Variants in MND1 observed in about 807,000 individuals in gnomAD.
MND1 encodes meiotic nuclear division protein 1 homolog.
Under a neutral mutation model 35.1 loss-of-function variants are expected in MND1, and 28 were observed. The observed-to-expected ratio is 0.80, with a 90% CI of 0.59 to 1.09. The LOEUF (loss-of-function observed/expected upper bound fraction) is 1.09. MND1 is among the 50% of genes least tolerant of loss of function. The pLI is 0.00. For missense variants in MND1, 213 were observed against 239.6 expected (o/e 0.89, Z 0.73); for synonymous variants, 69 against 70.5 (o/e 0.98, Z 0.11).
chr4:153,350,020 AT>A (rs770510423), intron 1 of MND1, 43 bp from the exon 2 acceptor site: 33 of 1,353,516 alleles, frequency 2.4e-5, no homozygotes, highest in Non-Finnish European at 3.4e-5. Flanking sequence ...TGTTTTCAAA[AT>A]GTGTTTAAAA....
chr4:153,367,903 G>A (rs1471645201), intron 4 of MND1, among the ~76,000 whole-genome samples: 1 of 152,084 alleles, frequency 6.6e-6, no homozygotes, highest in East Asian at 1.9e-4. Context: ...ATCTCATTGT[G>A]GTTTTGGCTT....
intron 4 of MND1, among the ~76,000 whole-genome samples, chr4:153,369,926 C>T (rs1235384415): frequency 6.6e-6 from 1 of 152,036 alleles, no homozygotes; most frequent in African/African-American, 2.4e-5. Context: ...ACAATGTTCA[C>T]AGCGTCTGCA....
At chr4:153,364,637 C>T (rs766176964) in intron 4 of MND1, among the ~76,000 whole-genome samples, 2 of 152,030 alleles carry the variant, frequency 1.3e-5, no homozygotes, top group Non-Finnish European at 2.9e-5. Flanking sequence ...AGAAGCAACC[C>T]AAATGACTTT....
At chr4:153,377,746 G>T (rs1728551034) in intron 4 of MND1, among the ~76,000 whole-genome samples, 1 of 152,224 alleles carries the variant, frequency 6.6e-6, no homozygotes, top group Admixed American at 6.5e-5. Context: ...CTATAGCGCA[G>T]TGATTTAAGG....
chr4:153,351,262 G>C (rs537149436), intron 2 of MND1, among the ~76,000 whole-genome samples: 1 of 152,108 alleles, frequency 6.6e-6, no homozygotes, highest in African/African-American at 2.4e-5. Context: ...AAAATTGGCT[G>C]TTTCTAACTG....
upstream of MND1, chr4:153,344,663 T>C: frequency 7.2e-7 from 1 of 1,383,968 alleles, no homozygotes; most frequent in Non-Finnish European, 9.8e-7. Context: ...GGCGCCAAAA[T>C]CAAACGCGTC....
At chr4:153,374,715 A>AT (rs2149642320) in intron 4 of MND1, among the ~76,000 whole-genome samples, 1 of 152,092 alleles carries the variant, frequency 6.6e-6, no homozygotes, top group Admixed American at 6.5e-5. Flanking sequence ...GAGAACAGAC[A>AT]TTCTTATAAG....
chr4:153,345,591 CT>C (rs1182280676), intron 1 of MND1: 1 of 941,872 alleles, frequency 1.1e-6, no homozygotes. Flanking sequence ...GTTTTTTCTG[CT>C]TCAGTTGGCG....
intron 6 of MND1, among the ~76,000 whole-genome samples, chr4:153,405,667 A>C (rs114942776): frequency 0.01 from 1,591 of 152,330 alleles, 23 homozygotes; most frequent in African/African-American, 0.034. Flanking sequence ...TTTTTAGCTC[A>C]TGGTATTGGG....
intron 2 of MND1, among the ~76,000 whole-genome samples, chr4:153,351,556 C>T (rs1363341550): frequency 6.6e-6 from 1 of 152,050 alleles, no homozygotes; most frequent in Non-Finnish European, 1.5e-5. Flanking sequence ...ATGGTATATC[C>T]GGGATCCAGA....
chr4:153,350,682 C>T (rs1773191725), intron 2 of MND1, among the ~76,000 whole-genome samples: 1 of 152,188 alleles, frequency 6.6e-6, no homozygotes, highest in African/African-American at 2.4e-5. Flanking sequence ...AGCCAGAGTT[C>T]AAACCCAGGT....
intron 4 of MND1, among the ~76,000 whole-genome samples, chr4:153,376,113 T>G (rs1330348499): frequency 1.3e-5 from 2 of 152,164 alleles, no homozygotes; most frequent in Non-Finnish European, 2.9e-5. Context: ...ATTAATTATG[T>G]TGTAGAAACT....
intron 6 of MND1, among the ~76,000 whole-genome samples, chr4:153,403,705 A>G (rs1231336753): frequency 6.6e-6 from 1 of 151,842 alleles, no homozygotes; most frequent in Non-Finnish European, 1.5e-5. Flanking sequence ...GGTTCAAGTG[A>G]TTCTCGTGCC....
intron 4 of MND1, among the ~76,000 whole-genome samples, chr4:153,391,641 C>T (rs1354463444): frequency 6.6e-6 from 1 of 151,472 alleles, no homozygotes. Context: ...GCAGCAGAAT[C>T]GCTCGAACCT....
At chr4:153,399,053 A>T (rs1033247662) in intron 6 of MND1, among the ~76,000 whole-genome samples, 6 of 152,210 alleles carry the variant, frequency 3.9e-5, no homozygotes, top group Non-Finnish European at 8.8e-5. Context: ...TCAGGATAGC[A>T]TGACTGTGCC....
chr4:153,345,807 T>A (rs1485160725), intron 1 of MND1, among the ~76,000 whole-genome samples: 1 of 152,232 alleles, frequency 6.6e-6, no homozygotes, highest in Admixed American at 6.5e-5. Context: ...CACCTGGGCG[T>A]GAAGTGCTCT....
intron 4 of MND1, among the ~76,000 whole-genome samples, chr4:153,360,795 TCATATATACA>T (rs1355039769): frequency 4.0e-5 from 6 of 149,206 alleles, no homozygotes; most frequent in Non-Finnish European, 4.4e-5. Context: ...ACACATATAT[TCATATATACA>T]CATATATACA....
chr4:153,362,534 G>A (rs1773521990), intron 4 of MND1, among the ~76,000 whole-genome samples: 1 of 152,176 alleles, frequency 6.6e-6, no homozygotes, highest in Non-Finnish European at 1.5e-5. Context: ...AGAGCCTGCA[G>A]AAGCATGAAC....
intron 6 of MND1, among the ~76,000 whole-genome samples, chr4:153,399,977 G>A (rs567441175): frequency 7.2e-5 from 10 of 138,594 alleles, no homozygotes; most frequent in South Asian, 4.5e-4. Context: ...CAGGGATCAC[G>A]GTAGCCTCAA....
Sources: allele counts gnomAD v4.1 joint callset (sites outside exome capture counted in the v4.1 genomes callset), GRCh38; gene constraint gnomAD v4.1.1; transcripts MANE v1.5; gene names NCBI Gene and HGNC (gene_info 2026-07-23, HGNC 2026-07-21).